DNM3: variants seen among roughly 807,000 people sequenced by gnomAD.
The protein encoded by DNM3 is dynamin-3.
DNM3 carries 47 observed loss-of-function variants against 101.6 expected under a neutral mutation model. The observed-to-expected ratio is 0.46, with a 90% CI of 0.37 to 0.59. The LOEUF (loss-of-function observed/expected upper bound fraction) is 0.59, where lower values mean the gene tolerates loss of function less well. Ranked by LOEUF, DNM3 falls within the 20% of genes least tolerant of loss-of-function variation. The pLI, the probability that DNM3 is intolerant of heterozygous loss-of-function variation, is 0.00. For synonymous variants in DNM3, 385 were observed against 387.9 expected (o/e 0.99, Z 0.09); for missense variants, 849 against 1,085.7 (o/e 0.78, Z 3.06).
At chr1:172,336,420 T>C (rs1022278301) in intron 17 of DNM3, among the ~76,000 whole-genome samples, 1 of 149,816 alleles carries the variant, frequency 6.7e-6, no homozygotes, top group Admixed American at 6.6e-5. Flanking sequence ...CATTTCTGAT[T>C]ATTTCCTTAG....
At chr1:172,058,945 T>C (rs1156691842) in intron 10 of DNM3, among the ~76,000 whole-genome samples, 1 of 152,054 alleles carries the variant, frequency 6.6e-6, no homozygotes, top group Non-Finnish European at 1.5e-5. Context: ...GATAGACTGC[T>C]AGCAAGACTA....
chr1:172,232,276 T>A (rs1035464230), intron 14 of DNM3, among the ~76,000 whole-genome samples: 3 of 151,748 alleles, frequency 2.0e-5, no homozygotes, highest in East Asian at 1.9e-4. Context: ...CCAACAAAGA[T>A]CAAAGAGACA....
At chr1:171,843,633 T>C (rs2031619289) in intron 1 of DNM3, among the ~76,000 whole-genome samples, 1 of 152,254 alleles carries the variant, frequency 6.6e-6, no homozygotes, top group Admixed American at 6.5e-5. Context: ...AAGTGCATTG[T>C]TTGTGGTCAG....
At chr1:172,312,943 T>G (rs1050925856) in intron 16 of DNM3, among the ~76,000 whole-genome samples, 1 of 152,192 alleles carries the variant, frequency 6.6e-6, no homozygotes, top group Non-Finnish European at 1.5e-5. Flanking sequence ...AGCAGTGGCA[T>G]CTATGGCTCT....
intron 4 of DNM3, among the ~76,000 whole-genome samples, chr1:172,010,664 G>A (rs1298157665): frequency 1.6e-5 from 1 of 62,006 alleles, no homozygotes; most frequent in Non-Finnish European, 2.9e-5. Context: ...ATTTAATTAT[G>A]GTGTGCCTTG....
At chr1:172,288,309 G>A (rs1184006791) in intron 15 of DNM3, among the ~76,000 whole-genome samples, 1 of 152,178 alleles carries the variant, frequency 6.6e-6, no homozygotes, top group East Asian at 1.9e-4. Flanking sequence ...AGGGAGAAGG[G>A]GAGATTGTTC....
At chr1:172,217,311 A>G (rs1209961496) in intron 14 of DNM3, among the ~76,000 whole-genome samples, 1 of 152,162 alleles carries the variant, frequency 6.6e-6, no homozygotes, top group African/African-American at 2.4e-5. Flanking sequence ...CAACAGCACT[A>G]AAAAGCTACT....
At chr1:171,973,327 C>T (rs185413444) in intron 2 of DNM3, among the ~76,000 whole-genome samples, 127 of 152,284 alleles carry the variant, frequency 8.3e-4, no homozygotes, top group African/African-American at 2.9e-3. Flanking sequence ...CCTGTGTAAC[C>T]TCAGGCAATT....
intron 13 of DNM3, among the ~76,000 whole-genome samples, chr1:172,117,872 T>C (rs528994900): frequency 3.9e-5 from 6 of 152,268 alleles, no homozygotes; most frequent in Middle Eastern, 3.4e-3. Context: ...TGAAGTGTGT[T>C]CTCTTGCTTG....
chr1:172,371,890 TTTTA>T (rs951752069), intron 17 of DNM3, among the ~76,000 whole-genome samples: 577 of 147,730 alleles, frequency 3.9e-3, no homozygotes, highest in African/African-American at 9.3e-3. Flanking sequence ...TTTTTTACTT[TTTTA>T]TTTATTTATT....
chr1:172,388,786 G>T lies in DNM3; in HGVS notation c.2499G>T (p.Thr833=), dbSNP rs2301454. 1 of 1,592,486 alleles carries T rather than the reference G, an allele frequency of 6.3e-7. No individual in the cohort carries two copies. The highest frequency in any genetic ancestry group is 8.6e-7 in the Non-Finnish European group (1 of 1,169,554). Residue 833 remains threonine (T), a synonymous_variant, in exon 20 of 21, where the codon ACG becomes ACT. Transcript: ENST00000627582. ...GAPPQVPSRP[T]RAPPSVPSRR... is the part of the protein sequence containing the mutation. ...CTCCACAAGTTCCATCTAGGCCTAC[G>T]AGGGCCCCGCCCAGTGTCCCAAGGT...
chr1:171,889,586 A>G (rs1466437169), intron 1 of DNM3, among the ~76,000 whole-genome samples: 1 of 152,210 alleles, frequency 6.6e-6, no homozygotes, highest in Non-Finnish European at 1.5e-5. Flanking sequence ...CTTGACAGAA[A>G]GAATTTGCAT....
At chr1:171,901,106 C>T (rs1283454895) in intron 1 of DNM3, among the ~76,000 whole-genome samples, 1 of 62,606 alleles carries the variant, frequency 1.6e-5, no homozygotes, top group Non-Finnish European at 3.0e-5. Context: ...GAGCGAGACT[C>T]TGTCTCAAAA....
intron 4 of DNM3, among the ~76,000 whole-genome samples, chr1:172,026,763 C>T (rs756665766): frequency 1.3e-5 from 2 of 151,946 alleles, no homozygotes; most frequent in African/African-American, 4.8e-5. Flanking sequence ...ATGCCATTCT[C>T]CTGCCTCAGC....
At chr1:171,924,896 CT>C (rs200557212) in intron 2 of DNM3, among the ~76,000 whole-genome samples, 23,983 of 149,818 alleles carry the variant, frequency 0.16, 2,333 homozygotes, top group South Asian at 0.27. Flanking sequence ...CCTTTGCCCA[CT>C]TTTTTTTTTC....
At chr1:172,085,832 A>G (rs1264434060) in intron 12 of DNM3, among the ~76,000 whole-genome samples, 1 of 152,124 alleles carries the variant, frequency 6.6e-6, no homozygotes, top group Non-Finnish European at 1.5e-5. Flanking sequence ...ATTTTTCCCT[A>G]ATGCATAATT....
chr1:171,924,635 C>G (rs1246211474), intron 2 of DNM3, among the ~76,000 whole-genome samples: 2 of 152,088 alleles, frequency 1.3e-5, no homozygotes, highest in African/African-American at 4.8e-5. Context: ...AAACTGCCCC[C>G]CATTAATTAC....
intron 15 of DNM3, among the ~76,000 whole-genome samples, chr1:172,294,515 C>G (rs1338785690): frequency 6.6e-6 from 1 of 152,154 alleles, no homozygotes; most frequent in Non-Finnish European, 1.5e-5. Context: ...TGGGAACACC[C>G]TTTAATATCT....
chr1:172,320,420 C>T (rs1202329036), intron 16 of DNM3, among the ~76,000 whole-genome samples: 1 of 149,474 alleles, frequency 6.7e-6, no homozygotes, highest in African/African-American at 2.5e-5. Context: ...GAAAATGTGG[C>T]ACATATACAC....
Sources: allele counts gnomAD v4.1 joint callset (sites outside exome capture counted in the v4.1 genomes callset), GRCh38; gene constraint gnomAD v4.1.1; transcripts MANE v1.5; gene names NCBI Gene and HGNC (gene_info 2026-07-23, HGNC 2026-07-21).